The following C14orf132 variants were observed in gnomAD, a reference collection of about 807,000 sequenced individuals.
The protein encoded by C14orf132 is uncharacterized protein C14orf132.
A neutral mutation model predicts 5.8 loss-of-function variants in C14orf132; 6 were observed. The observed-to-expected ratio is 1.03, with a 90% CI of 0.57 to 2.04. The LOEUF (loss-of-function observed/expected upper bound fraction) is 2.04. C14orf132 is among the 30% of genes most tolerant of loss of function. C14orf132 has a pLI of 0.00. For synonymous variants in C14orf132, 51 were observed against 49.8 expected (o/e 1.02, Z -0.10); for missense variants, 125 against 115.8 (o/e 1.08, Z -0.37).
At chr14:96,050,985 G>C (rs1449660220) in intron 1 of C14orf132, 1 of 393,186 alleles carries the variant, frequency 2.5e-6, no homozygotes. Context: ...TGTGGGAAAA[G>C]GAATGTTGAC....
At chr14:96,063,162 A>C (rs1020937651) in intron 1 of C14orf132, among the ~76,000 whole-genome samples, 3 of 152,160 alleles carry the variant, frequency 2.0e-5, no homozygotes, top group Non-Finnish European at 4.4e-5. Context: ...GTTGACTTGC[A>C]GCTGGGGCGG....
intron 1 of C14orf132, among the ~76,000 whole-genome samples, chr14:96,046,525 A>G (rs1348011652): frequency 3.3e-5 from 5 of 152,230 alleles, no homozygotes; most frequent in Non-Finnish European, 7.3e-5. Context: ...TCAAATGACC[A>G]TTTTATTTGG....
chr14:96,043,786 T>C (rs979831742), intron 1 of C14orf132, among the ~76,000 whole-genome samples: 8 of 152,294 alleles, frequency 5.3e-5, no homozygotes, highest in Non-Finnish European at 1.2e-4. Flanking sequence ...TAAAAACTCA[T>C]GTGGTCACTG....
rs1314460657 is a variant in C14orf132, at chr14:96,088,863, C to G, written c.*2128C>G. 2.6e-5 allele frequency: 4 copies of G among 152,288 alleles called. No homozygotes were observed. The highest frequency in any genetic ancestry group is 9.6e-5 in the African/African-American group (4 of 41,472). 9.4% of individuals were successfully genotyped at this position (152,288 alleles called of 1,614,324 possible). A position where few individuals can be genotyped will look rare whatever the true frequency, so the allele number is the denominator to read the frequency against. ...GGATGGCTTCTAGCCCTGAAGAGGA[C>G]TCCAGCATCCCAGGCACCGGGTGCT... On this transcript the variant is annotated 3_prime_UTR_variant, in exon 2 of 2. Transcript: ENST00000555004.
intron 1 of C14orf132, among the ~76,000 whole-genome samples, chr14:96,042,890 C>A (rs183186858): frequency 6.6e-6 from 1 of 152,336 alleles, no homozygotes; most frequent in East Asian, 1.9e-4. Context: ...GTGAAAAAGG[C>A]CATTCATTTC....
chr14:96,051,400 A>T (rs1051033938), intron 1 of C14orf132, among the ~76,000 whole-genome samples: 2 of 152,180 alleles, frequency 1.3e-5, no homozygotes, highest in Non-Finnish European at 2.9e-5. Flanking sequence ...GATGAAAGTG[A>T]GGGGAAATGC....
chr14:96,081,013 A>G (rs1888017508), intron 1 of C14orf132, among the ~76,000 whole-genome samples: 1 of 152,244 alleles, frequency 6.6e-6, no homozygotes, highest in Non-Finnish European at 1.5e-5. Flanking sequence ...TAGGCCATTT[A>G]TAATATTTCA....
Position 96,090,491 on chromosome 14 carries a change from C to T in C14orf132, c.*3756C>T, listed in dbSNP as rs2369421. 0.24 allele frequency: 96,292 copies of T among 393,570 alleles called. 12,314 individuals are homozygous for T. Among genetic ancestry groups the T allele is most frequent in the African/African-American group, 0.31 (14,665 of 47,930 alleles). 24.4% of individuals were successfully genotyped at this position (393,570 alleles called of 1,614,324 possible). A position where few individuals can be genotyped will look rare whatever the true frequency, so the allele number is the denominator to read the frequency against. On this transcript the variant is annotated 3_prime_UTR_variant, in exon 2 of 2. Transcript: ENST00000555004. ...AGGTCTTTGAGAAGAGGCCAGACGC[C>T]GCTGTAGCCAGGCCTGTCTTAAGAG...
chr14:96,040,745 G>A (rs565859512), intron 1 of C14orf132, among the ~76,000 whole-genome samples: 63 of 151,260 alleles, frequency 4.2e-4, no homozygotes, highest in African/African-American at 1.5e-3. Flanking sequence ...AGTATCGCTG[G>A]CCCTTTTTTT....
At chr14:96,081,228 C>T (rs892611555) in intron 1 of C14orf132, among the ~76,000 whole-genome samples, 3 of 152,194 alleles carry the variant, frequency 2.0e-5, no homozygotes, top group East Asian at 1.9e-4. Flanking sequence ...AGAATGCTAT[C>T]GGAGTTTATT....
chr14:96,082,274 CT>C (rs1252177288), intron 1 of C14orf132, among the ~76,000 whole-genome samples: 1 of 152,210 alleles, frequency 6.6e-6, no homozygotes, highest in African/African-American at 2.4e-5. Context: ...TAAAAGTAGA[CT>C]GGAGCTGGTC....
chr14:96,078,308 A>G (rs1386846456), intron 1 of C14orf132, among the ~76,000 whole-genome samples: 4 of 152,258 alleles, frequency 2.6e-5, no homozygotes, highest in Non-Finnish European at 4.4e-5. Context: ...GAAAACAAGT[A>G]AAAATCGGGG....
intron 1 of C14orf132, among the ~76,000 whole-genome samples, chr14:96,060,418 C>T (rs1887316232): frequency 1.3e-5 from 2 of 152,184 alleles, no homozygotes; most frequent in South Asian, 4.1e-4. Flanking sequence ...TGACCACTGA[C>T]CAGCCAAGTG....
intron 1 of C14orf132, among the ~76,000 whole-genome samples, chr14:96,080,895 T>C (rs1272594144): frequency 6.6e-6 from 1 of 152,214 alleles, no homozygotes; most frequent in Non-Finnish European, 1.5e-5. Context: ...CAACTGATTA[T>C]AACCATCACG....
intron 1 of C14orf132, among the ~76,000 whole-genome samples, chr14:96,079,480 T>C (rs1887969082): frequency 1.1e-5 from 1 of 93,164 alleles, no homozygotes; most frequent in Admixed American, 9.9e-5. Context: ...TTTATGACTG[T>C]GTGTGTTTCA....
chr14:96,081,973 GC>G (rs1044087505), intron 1 of C14orf132, among the ~76,000 whole-genome samples: 3 of 152,060 alleles, frequency 2.0e-5, no homozygotes, highest in Non-Finnish European at 2.9e-5. Context: ...AGGGAAACAA[GC>G]CCCCCTCGCC....
intron 1 of C14orf132, among the ~76,000 whole-genome samples, chr14:96,052,017 A>G (rs562452980): frequency 2.5e-4 from 38 of 152,360 alleles, no homozygotes; most frequent in Non-Finnish European, 4.4e-4. Flanking sequence ...TGGGCAGCCT[A>G]TGAAGGCAAC....
At chr14:96,080,629 T>C (rs1438771858) in intron 1 of C14orf132, among the ~76,000 whole-genome samples, 1 of 152,172 alleles carries the variant, frequency 6.6e-6, no homozygotes, top group Non-Finnish European at 1.5e-5. Context: ...TATATAACGG[T>C]CACCTCCTTA....
At chr14:96,059,591 C>G (rs1488767922) in intron 1 of C14orf132, among the ~76,000 whole-genome samples, 1 of 152,190 alleles carries the variant, frequency 6.6e-6, no homozygotes, top group African/African-American at 2.4e-5. Flanking sequence ...TGTCACATGG[C>G]AGCATAGCTC....
Sources: gnomAD v4.1 joint callset for allele counts (sites outside exome capture counted in the v4.1 genomes callset) on GRCh38, gnomAD v4.1.1 for gene constraint, MANE v1.5 for transcripts, NCBI Gene and HGNC (gene_info 2026-07-23, HGNC 2026-07-21) for gene names.